The following GRID1 variants were observed in gnomAD, a reference collection of about 807,000 sequenced individuals.
GRID1 encodes glutamate receptor ionotropic, delta-1.
In GRID1, 28 loss-of-function variants were observed where a neutral mutation model predicts 98.0. The observed-to-expected ratio is 0.29, with a 90% CI of 0.21 to 0.39. The LOEUF (loss-of-function observed/expected upper bound fraction) is 0.39, where lower values mean the gene tolerates loss of function less well. Among genes scored for constraint, GRID1 ranks in the 10% least tolerant of loss-of-function variants. The pLI is 1.00. For missense variants in GRID1, 1,111 were observed against 1,340.5 expected (o/e 0.83, Z 2.67); for synonymous variants, 553 against 538.5 (o/e 1.03, Z -0.37).
chr10:85,712,856 A>C (rs1841596998), intron 12 of GRID1, among the ~76,000 whole-genome samples: 1 of 151,846 alleles, frequency 6.6e-6, no homozygotes, highest in Non-Finnish European at 1.5e-5. Flanking sequence ...GATACTAAAA[A>C]AAATTCTTGA....
intron 5 of GRID1, among the ~76,000 whole-genome samples, chr10:85,879,041 TA>T (rs1463613173): frequency 2.0e-5 from 3 of 151,396 alleles, no homozygotes; most frequent in African/African-American, 4.9e-5. Flanking sequence ...TACATGATGG[TA>T]AAGGGATCAA....
chr10:86,245,935 C>T (rs1432915485), intron 2 of GRID1, among the ~76,000 whole-genome samples: 3 of 152,246 alleles, frequency 2.0e-5, no homozygotes, highest in African/African-American at 4.8e-5. Context: ...CAGCCAGCCT[C>T]CCTGAGGCAG....
intron 4 of GRID1, among the ~76,000 whole-genome samples, chr10:86,121,325 T>A (rs1844662276): frequency 6.7e-6 from 1 of 148,472 alleles, no homozygotes; most frequent in Admixed American, 6.7e-5. Flanking sequence ...CATCACCACA[T>A]CACCATCATC....
At chr10:85,768,520 C>T (rs1477370644) in intron 8 of GRID1, among the ~76,000 whole-genome samples, 1 of 152,054 alleles carries the variant, frequency 6.6e-6, no homozygotes, top group Non-Finnish European at 1.5e-5. Flanking sequence ...ATGTATAAAA[C>T]TCCTATAAAT....
chr10:85,661,850 G>A (rs758755684), intron 12 of GRID1, among the ~76,000 whole-genome samples: 4 of 152,208 alleles, frequency 2.6e-5, no homozygotes, highest in Non-Finnish European at 4.4e-5. Flanking sequence ...AAAAGCCAAT[G>A]ATTAATTTTA....
At chr10:85,752,852 T>C (rs1296679970) in intron 8 of GRID1, among the ~76,000 whole-genome samples, 1 of 152,196 alleles carries the variant, frequency 6.6e-6, no homozygotes, top group Non-Finnish European at 1.5e-5. Flanking sequence ...TTCAAATTCC[T>C]CTAAGGGTTA....
intron 8 of GRID1, among the ~76,000 whole-genome samples, chr10:85,755,416 T>C (rs1028022495): frequency 4.6e-5 from 7 of 152,172 alleles, no homozygotes; most frequent in African/African-American, 1.7e-4. Flanking sequence ...GCCTGCCCAG[T>C]TCAGGATGGC....
At chr10:85,785,134 T>A (rs1842416343) in intron 8 of GRID1, among the ~76,000 whole-genome samples, 1 of 152,192 alleles carries the variant, frequency 6.6e-6, no homozygotes, top group South Asian at 2.1e-4. Context: ...TTGTGCACCC[T>A]AGCAATCAGG....
Position 85,856,061 on chromosome 10 carries a change from C to T in GRID1, c.1081G>A (p.Gly361Ser). 6.2e-7 allele frequency: 1 copy of T among 1,614,160 alleles called. No homozygotes were observed. The highest frequency in any genetic ancestry group is 8.5e-7 in the Non-Finnish European group (1 of 1,180,018). Residue 361 changes from glycine (G) to serine (S), a missense_variant, in exon 7 of 16, where the codon GGT (glycine) becomes AGT (serine). Physicochemically the swap from Gly to Ser is moderately conservative, Grantham distance 56. Around this residue, in one of 3 missense-constraint regions of GRID1, gnomAD observed 762 missense variants for 869.1 expected, o/e 0.88. Transcript: ENST00000327946. ...ATGGTATCCAGCATGGACCTCCCAC[C>T]ATTCCATGGCTTAGTGGATTTCCGT... The part of the protein sequence containing the change: ...CIRKSTKPWN[G>S]GRSMLDTIKK...
rs755049362 is a variant in GRID1 at position 85,883,526 on chromosome 10, CTCTG to C, written c.781-14350_781-14347del. 3.8e-3 allele frequency among the ~76,000 whole-genome samples: 562 copies of C among 149,810 alleles called. 5 individuals carry two copies. Among genetic ancestry groups the C allele is most frequent in the Admixed American group, 7.8e-3 (117 of 15,014 alleles). On this transcript the variant is annotated intron_variant, in intron 5 of 15. Transcript: ENST00000327946. ...TCTCTCTCTGTCTCTCTCTCTCTCT[CTCTG>C]TCTCTCTCTCTCTCTCTCCTCTTCC...
chr10:86,151,767 C>A (rs1589389168), intron 3 of GRID1, among the ~76,000 whole-genome samples: 2 of 152,208 alleles, frequency 1.3e-5, no homozygotes, highest in Admixed American at 1.3e-4. Context: ...CACCCACCCA[C>A]CCAATGGGAC....
At chr10:85,603,215 G>A (rs1387187632) in intron 15 of GRID1, among the ~76,000 whole-genome samples, 1 of 152,242 alleles carries the variant, frequency 6.6e-6, no homozygotes, top group Non-Finnish European at 1.5e-5. Flanking sequence ...GACCATCAGT[G>A]TTAGAGGCAG....
At chr10:85,863,432 T>C (rs1457221565) in intron 6 of GRID1, among the ~76,000 whole-genome samples, 9 of 152,204 alleles carry the variant, frequency 5.9e-5, no homozygotes, top group African/African-American at 2.2e-4. Flanking sequence ...TTTGGAGGGA[T>C]ACAAACATCC....
intron 2 of GRID1, among the ~76,000 whole-genome samples, chr10:86,361,886 G>A (rs968097778): frequency 6.6e-6 from 1 of 152,218 alleles, no homozygotes; most frequent in African/African-American, 2.4e-5. Context: ...AGGTGCCACA[G>A]GAACCAGCTG....
At chr10:86,246,304 C>T (rs776299616) in intron 2 of GRID1, among the ~76,000 whole-genome samples, 73 of 152,240 alleles carry the variant, frequency 4.8e-4, no homozygotes, top group Non-Finnish European at 8.2e-4. Context: ...TGTGAAGCCA[C>T]GGCCCACCTG....
rs145937079 is a variant in GRID1, at chr10:85,932,058, A to G, written c.727-15819T>C. Among the ~76,000 whole-genome samples, 214 of 152,236 alleles carry G rather than the reference A, an allele frequency of 1.4e-3. 1 individual carries two copies. The highest frequency in any genetic ancestry group is 4.8e-3 in the African/African-American group (200 of 41,556). ...CTCTGCTTAATTTTTCCTGGTTTGT[A>G]CCACCTGCCTAACCTGGGCTTTCTG... On this transcript the variant is annotated intron_variant, in intron 4 of 15. Transcript: ENST00000327946.
chr10:86,184,286 G>T (rs981066630), intron 3 of GRID1, among the ~76,000 whole-genome samples: 2 of 151,936 alleles, frequency 1.3e-5, no homozygotes, highest in Admixed American at 1.3e-4. Context: ...TTTATTTTAT[G>T]GATTGTGCTT....
chr10:85,970,094 C>A (rs975693948), intron 4 of GRID1, among the ~76,000 whole-genome samples: 1 of 151,974 alleles, frequency 6.6e-6, no homozygotes, highest in South Asian at 2.1e-4. Context: ...TCTAGAAAGA[C>A]ACAAACTGCT....
intron 8 of GRID1, among the ~76,000 whole-genome samples, chr10:85,734,856 T>C (rs927063344): frequency 1.3e-5 from 2 of 151,250 alleles, no homozygotes; most frequent in African/African-American, 4.8e-5. Flanking sequence ...CAAGAAATAA[T>C]CCAGTGGAAT....
Sources: allele counts gnomAD v4.1 joint callset (sites outside exome capture counted in the v4.1 genomes callset), GRCh38; gene constraint gnomAD v4.1.1; regional missense constraint gnomAD v4.1.1; transcripts MANE v1.5; gene names NCBI Gene and HGNC (gene_info 2026-07-23, HGNC 2026-07-21).